The following RAPGEF4 variants were observed in gnomAD, a reference collection of about 807,000 sequenced individuals.
The protein encoded by RAPGEF4 is Rap guanine nucleotide exchange factor 4.
Under a neutral mutation model 147.9 loss-of-function variants are expected in RAPGEF4, and 66 were observed. The observed-to-expected ratio is 0.45, with a 90% confidence interval of 0.37 to 0.55. RAPGEF4 has a LOEUF of 0.55. Among genes scored for constraint, RAPGEF4 ranks in the 20% least tolerant of loss-of-function variants. The probability of loss-of-function intolerance (pLI) is 0.00; values close to 1 mark genes in which losing one functional copy is unlikely to be tolerated. For missense variants in RAPGEF4, 1,071 were observed against 1,257.3 expected (o/e 0.85, Z 2.24); for synonymous variants, 419 against 442.7 (o/e 0.95, Z 0.67).
At chr2:172,944,402 G>T (rs1687473637) in intron 6 of RAPGEF4, among the ~76,000 whole-genome samples, 1 of 152,206 alleles carries the variant, frequency 6.6e-6, no homozygotes, top group South Asian at 2.1e-4. Context: ...GTTAGGTAGA[G>T]ATAGAGGCAA....
chr2:172,931,812 C>T (rs1481093684), intron 6 of RAPGEF4, among the ~76,000 whole-genome samples: 1 of 152,112 alleles, frequency 6.6e-6, no homozygotes, highest in Non-Finnish European at 1.5e-5. Context: ...ACCAATTCTC[C>T]TTTTATAAGT....
At chr2:172,767,967 T>G (rs1287825208) in intron 1 of RAPGEF4, among the ~76,000 whole-genome samples, 2 of 152,004 alleles carry the variant, frequency 1.3e-5, no homozygotes, top group African/African-American at 4.8e-5. Context: ...CCTGCCACCG[T>G]GCCCAGCTCA....
rs368198341 is a variant in RAPGEF4 at position 172,967,239 on chromosome 2, C to T, written c.821-22C>T. 1.4e-5 allele frequency: 23 copies of T among 1,603,098 alleles called. No homozygotes were observed. In the South Asian group the frequency reaches 2.1e-4, roughly 15 times the overall value. Reference sequence around the variant, plus strand: ...TGAGGCCGAGGTGCTGCAGCTGACACGTGCTTCCATGTTTCCCATAGTGGA... The same window carrying T: ...TGAGGCCGAGGTGCTGCAGCTGACATGTGCTTCCATGTTTCCCATAGTGGA... On this transcript the variant is annotated intron_variant, in intron 9 of 30. Coordinates refer to ENST00000397081, the MANE Select transcript of RAPGEF4 (RefSeq NM_007023.4).
chr2:173,011,062 A>G (rs916201068), intron 17 of RAPGEF4, among the ~76,000 whole-genome samples: 3 of 151,980 alleles, frequency 2.0e-5, no homozygotes, highest in South Asian at 2.1e-4. Flanking sequence ...GGTCAATTCT[A>G]TCTCCCTAGA....
intron 4 of RAPGEF4, chr2:172,860,142 A>G: frequency 1.0e-6 from 1 of 985,484 alleles, no homozygotes; most frequent in South Asian, 4.7e-5. Flanking sequence ...AAGATAAATC[A>G]GTCCAGCTCT....
chr2:172,869,794 T>C (rs184418834), intron 4 of RAPGEF4, among the ~76,000 whole-genome samples: 1 of 152,334 alleles, frequency 6.6e-6, no homozygotes, highest in African/African-American at 2.4e-5. Flanking sequence ...GGGCAGGGAT[T>C]GTATGTCATA....
chr2:172,984,426 T>G (rs1330023082), intron 11 of RAPGEF4, among the ~76,000 whole-genome samples: 1 of 152,160 alleles, frequency 6.6e-6, no homozygotes, highest in Non-Finnish European at 1.5e-5. Context: ...AGCGAGGCAT[T>G]TGCCATAGCT....
chr2:172,882,954 C>T (rs1696785487), intron 4 of RAPGEF4, among the ~76,000 whole-genome samples: 5 of 152,088 alleles, frequency 3.3e-5, no homozygotes, highest in Admixed American at 3.3e-4. Context: ...TGCATTTACT[C>T]ATGTTTTGTC....
At chr2:172,776,626 C>A (rs538005500) in intron 1 of RAPGEF4, among the ~76,000 whole-genome samples, 3 of 151,982 alleles carry the variant, frequency 2.0e-5, no homozygotes, top group African/African-American at 7.2e-5. Flanking sequence ...TGTTTTTAAT[C>A]CTTTTCTTTT....
At position 173,048,452 on chromosome 2, in the gene RAPGEF4, A is replaced by C. The variant is rs917070346; in HGVS notation, c.2854-148A>C. On this transcript the variant is annotated intron_variant, in intron 29 of 30. Coordinates refer to ENST00000397081, the MANE Select transcript of RAPGEF4 (RefSeq NM_007023.4). The stretch of plus-strand genomic sequence containing the variant: ...TTTGAAATAATTAAACAAGTTATAC[A>C]TCAGCTAGTTGCCTTCAGATAGTCA... The C allele has an allele frequency of 6.9e-6, 10 of 1,440,220 alleles. No individual in the cohort carries two copies. The East Asian group carries it at 2.3e-4, about 33-fold the overall frequency. The allele number at this position is 1,440,220 out of a possible 1,614,324, so 89.2% of individuals were successfully genotyped here. A position where few individuals can be genotyped will look rare whatever the true frequency, so the allele number is the denominator to read the frequency against.
chr2:172,997,236 C>T (rs1693461657), intron 16 of RAPGEF4, among the ~76,000 whole-genome samples: 1 of 152,108 alleles, frequency 6.6e-6, no homozygotes, highest in South Asian at 2.1e-4. Context: ...GGATCTCTGC[C>T]CTCATGTTCA....
chr2:172,828,723 A>G lies in RAPGEF4; in HGVS notation c.444+14298A>G, dbSNP rs568218152. 6.8e-4 allele frequency among the ~76,000 whole-genome samples: 104 copies of G among 152,120 alleles called. No homozygotes were observed. The Middle Eastern group carries it at 0.01, about 15-fold the overall frequency. ...CTGAAGGGGCCCTTTGCCTACAGTC[A>G]CCTTCCTTCTCTACCTACCCCAAGA... On this transcript the variant is annotated intron_variant, in intron 4 of 30. Coordinates refer to ENST00000397081, the MANE Select transcript of RAPGEF4 (RefSeq NM_007023.4).
At chr2:172,848,719 G>A (rs1422247561) in intron 4 of RAPGEF4, among the ~76,000 whole-genome samples, 1 of 152,146 alleles carries the variant, frequency 6.6e-6, no homozygotes, top group African/African-American at 2.4e-5. Context: ...GGAAGTATCT[G>A]GGGGAGGGGT....
In RAPGEF4 at chr2:172,739,519, A is replaced by G. The variant is rs531704960; in HGVS notation, c.65+3471A>G. Reference sequence around the variant, plus strand: ...CCCGAGTAGCTGGGATTACAGGCACACACCACCATGCCTGCCTAATTTTTG... The same window carrying G: ...CCCGAGTAGCTGGGATTACAGGCACGCACCACCATGCCTGCCTAATTTTTG... On this transcript the variant is annotated intron_variant, in intron 1 of 30. Transcript: ENST00000397081. Among the ~76,000 whole-genome samples, 13 of 151,982 alleles carry G rather than the reference A, an allele frequency of 8.6e-5. No individual in the cohort carries two copies. The South Asian group carries it at 2.1e-3, about 24-fold the overall frequency.
At chr2:172,900,380 C>T (rs1018289600) in intron 4 of RAPGEF4, among the ~76,000 whole-genome samples, 1 of 152,178 alleles carries the variant, frequency 6.6e-6, no homozygotes, top group Non-Finnish European at 1.5e-5. Context: ...GCTGGGACTA[C>T]AGGCATGTGC....
intron 15 of RAPGEF4, among the ~76,000 whole-genome samples, chr2:172,995,277 G>C (rs1385509083): frequency 6.6e-6 from 1 of 151,626 alleles, no homozygotes; most frequent in African/African-American, 2.4e-5. Flanking sequence ...GTGTGTGTGT[G>C]TGTGTGTGTG....
chr2:172,841,851 A>T lies in RAPGEF4; in HGVS notation c.444+27426A>T, dbSNP rs200791438. Among the ~76,000 whole-genome samples, 20 of 59,520 alleles carry T rather than the reference A, an allele frequency of 3.4e-4. 1 individual carries two copies. The highest frequency in any genetic ancestry group is 1.9e-3 in the East Asian group (1 of 514). The allele number at this position is 59,520 out of a possible 152,430, so 39.0% of individuals were successfully genotyped here. A position where few individuals can be genotyped will look rare whatever the true frequency, so the allele number is the denominator to read the frequency against. On this transcript the variant is annotated intron_variant, in intron 4 of 30. Transcript: ENST00000397081. ...CACTACACACACACTACACACACAC[A>T]CGAACATAAATTTAAAAGCAGTTAA...
intron 4 of RAPGEF4, among the ~76,000 whole-genome samples, chr2:172,831,614 T>C (rs1662649980): frequency 6.6e-6 from 1 of 152,118 alleles, no homozygotes; most frequent in Admixed American, 6.5e-5. Context: ...AGTATAATCA[T>C]ATTGAATTTT....
intron 4 of RAPGEF4, among the ~76,000 whole-genome samples, chr2:172,874,697 G>T (rs1473511793): frequency 6.6e-6 from 1 of 151,832 alleles, no homozygotes; most frequent in Non-Finnish European, 1.5e-5. Flanking sequence ...GAATAGTGCC[G>T]CAATAAACAT....
Sources: gnomAD v4.1 joint callset for allele counts (sites outside exome capture counted in the v4.1 genomes callset) on GRCh38, gnomAD v4.1.1 for gene constraint, MANE v1.5 for transcripts, NCBI Gene and HGNC (gene_info 2026-07-23, HGNC 2026-07-21) for gene names.